Variants in POLR1C observed in about 807,000 individuals in gnomAD.
The protein encoded by POLR1C is RNA polymerase I and III subunit C.
POLR1C carries 42 observed loss-of-function variants against 38.3 expected under a neutral mutation model. The observed-to-expected ratio is 1.10, with a 90% CI of 0.86 to 1.42. POLR1C has a LOEUF of 1.42. Among genes scored for constraint, POLR1C ranks in the 40% most tolerant of loss-of-function variants. The pLI, the probability that POLR1C is intolerant of heterozygous loss-of-function variation, is 0.00. For missense variants in POLR1C, 507 were observed against 450.5 expected, an observed-to-expected ratio of 1.13 and a Z score of -1.14; for synonymous variants, 163 against 163.9, an observed-to-expected ratio of 0.99 and a Z score of 0.04.
At chr6:43,530,118 G>T (rs566545904), downstream of POLR1C, among the ~76,000 whole-genome samples, 4 of 152,016 alleles carry the variant, frequency 2.6e-5, no homozygotes, top group Admixed American at 6.6e-5. Flanking sequence ...TTAGCTGGGC[G>T]TAGTAGCATG....
At chr6:43,534,207 A>C (rs1382986778), downstream of POLR1C, among the ~76,000 whole-genome samples, 1 of 152,216 alleles carries the variant, frequency 6.6e-6, no homozygotes, top group East Asian at 1.9e-4. Context: ...ATCTTAGTAT[A>C]CAATACCTAA....
Position 43,519,412 on chromosome 6 carries a change from A to G in POLR1C, c.221A>G (p.Asn74Ser), listed in dbSNP as rs371802902. The G allele has an allele frequency of 6.8e-6, 11 of 1,613,630 alleles. No individual in the cohort carries two copies. In the African/African-American group the frequency reaches 8.0e-5, roughly 12 times the overall value. The change falls in exon 3 of 9, where the codon AAT (asparagine) becomes AGT (serine). Residue 74 changes from asparagine to serine, a missense_variant. Transcript: ENST00000642195. ...DMVGIDAAIANAFRRILLAEV... is the reference protein window; with the variant it reads ...DMVGIDAAIASAFRRILLAEV... ...GTGGGAATTGACGCAGCCATTGCCA[A>G]TGCTTTTCGACGAATTCTGCTAGCT...
In POLR1C at chr6:43,546,591, G is replaced by A. The variant is rs369645572; in HGVS notation, c.*5-4377G>A. On this transcript the variant is annotated intron_variant, in intron 9 of 10. Transcript: ENST00000607635. ...CTCACCTTATAAGCGCAAGCAAATT[G>A]TCAAGAAGTTTCAGAATCTGCTCTG... 9.3e-6 allele frequency: 15 copies of A among 1,610,730 alleles called. No individual in the cohort carries two copies. Among genetic ancestry groups the A allele is most frequent in the Admixed American group, 5.1e-5 (3 of 59,124 alleles).
Position 43,559,273 on chromosome 6 carries a change from G to A in POLR1C, c.*49-2127G>A, listed in dbSNP as rs538729783. Among the ~76,000 whole-genome samples the A allele has an allele frequency of 2.2e-4, 34 of 152,274 alleles. 1 individual carries two copies. In the South Asian group the frequency reaches 6.6e-3, roughly 30 times the overall value. ...GATCGTGCCACTGCACTCCAGCCTC[G>A]GTGACAGGGTGAGACTCCGTCTCAA... On this transcript the variant is annotated intron_variant, in intron 10 of 10. Transcript: ENST00000607635.
At chr6:43,540,886 T>G (rs1250112451) in intron 9 of POLR1C, among the ~76,000 whole-genome samples, 1 of 151,102 alleles carries the variant, frequency 6.6e-6, no homozygotes, top group East Asian at 1.9e-4. Context: ...TCACATAACA[T>G]AAAACTAACC....
chr6:43,538,302 A>G (rs1332614372), intron 9 of POLR1C, among the ~76,000 whole-genome samples: 1 of 151,574 alleles, frequency 6.6e-6, no homozygotes, highest in Non-Finnish European at 1.5e-5. Flanking sequence ...GGTGCGCACC[A>G]CCACACCTGG....
At chr6:43,517,982 TTGA>T (rs1792925798) in intron 2 of POLR1C, among the ~76,000 whole-genome samples, 1 of 152,206 alleles carries the variant, frequency 6.6e-6, no homozygotes, top group African/African-American at 2.4e-5. Flanking sequence ...TTTTAACCTG[TTGA>T]TACAAGGAAT....
In POLR1C at chr6:43,520,295, TG is replaced by T. The variant is rs780663139; in HGVS notation, c.525del (p.Trp175Ter). On this transcript the variant is annotated frameshift_variant, in exon 6 of 9. Transcript: ENST00000642195. LOFTEE classifies it high-confidence loss of function. ...NHKVYTRHMTWIPLGNQADLF... is the reference protein window; with the variant it reads ...NHKVYTRHMTXIPLGNQADLF... ...TCCAGTGTATACCAGGCATATGACA[TG>T]GATCCCCCTGGGGAACCAGGCTGAT... is the stretch of plus-strand genomic sequence containing the variant. 5 of 1,612,894 alleles carry T rather than the reference TG, an allele frequency of 3.1e-6. No homozygotes were observed. The East Asian group carries it at 1.1e-4, about 36-fold the overall frequency.
At chr6:43,543,830 C>T (rs897625717) in intron 9 of POLR1C, among the ~76,000 whole-genome samples, 1 of 152,034 alleles carries the variant, frequency 6.6e-6, no homozygotes, top group Non-Finnish European at 1.5e-5. Flanking sequence ...GCGCCCGCCA[C>T]CATGCCTGGC....
At chr6:43,525,478 AG>A, downstream of POLR1C, 1 of 514,426 alleles carries the variant, frequency 1.9e-6, no homozygotes. Flanking sequence ...GAAAAATAAA[AG>A]GAGTTTACTT....
intron 8 of POLR1C, chr6:43,528,154 C>T: frequency 1.3e-6 from 2 of 1,590,256 alleles, no homozygotes; most frequent in Non-Finnish European, 1.7e-6. Context: ...GTAGGTATCC[C>T]TTACCACAGC....
At chr6:43,527,052 C>T (rs1044312295) in intron 8 of POLR1C, 3 of 290,326 alleles carry the variant, frequency 1.0e-5, no homozygotes, top group African/African-American at 6.3e-5. Context: ...CAAAATGACA[C>T]AGTAAAAATA....
chr6:43,553,547 AC>A (rs1224230788), intron 10 of POLR1C: 2 of 1,530,298 alleles, frequency 1.3e-6, no homozygotes, highest in African/African-American at 1.4e-5. Context: ...ACACACACAC[AC>A]AATTATCAGC....
At chr6:43,525,381 T>C (rs1161154597), downstream of POLR1C, 1 of 651,444 alleles carries the variant, frequency 1.5e-6, no homozygotes, top group Non-Finnish European at 2.6e-6. Context: ...CAAGCTATTC[T>C]CCCATCTAAG....
intron 9 of POLR1C, among the ~76,000 whole-genome samples, chr6:43,548,867 T>A (rs1248817348): frequency 6.6e-6 from 1 of 152,052 alleles, no homozygotes; most frequent in Non-Finnish European, 1.5e-5. Flanking sequence ...GTGATTTGCA[T>A]CTGCTTTTCT....
downstream of POLR1C, chr6:43,521,528 TTTTGAG>T (rs1325054542): frequency 4.1e-5 from 51 of 1,242,674 alleles, no homozygotes; most frequent in African/African-American, 3.9e-4. Context: ...TTGAGACTAC[TTTTGAG>T]TTTGTTTTTT....
chr6:43,520,441 G>A lies in POLR1C; in HGVS notation c.655+14G>A, dbSNP rs369229711. On this transcript the variant is annotated intron_variant, in intron 6 of 8. Transcript: ENST00000642195. ...TCAAGGGCATTGGTGAGAACCCTGT[G>A]TGCCTTCCTGGGAAGGGGGATAGTT... 25 of 1,613,002 alleles carry A rather than the reference G, an allele frequency of 1.5e-5. No homozygotes were observed. In the African/African-American group the frequency reaches 2.5e-4, roughly 16 times the overall value.
downstream of POLR1C, chr6:43,522,855 G>C: frequency 3.9e-6 from 1 of 258,494 alleles, no homozygotes; most frequent in Non-Finnish European, 9.0e-6. Context: ...TCTTTACAGG[G>C]CCTTTCAGTG....
chr6:43,548,720 ATATATATATATAGATATATATGTATATC>A (rs1795084992), intron 9 of POLR1C, among the ~76,000 whole-genome samples: 1 of 150,044 alleles, frequency 6.7e-6, no homozygotes, highest in Non-Finnish European at 1.5e-5. Flanking sequence ...AGCTTGTTTT[ATATATATATATAGATATATATGTATATC>A]TATATATATA....
Sources: allele counts gnomAD v4.1 joint callset (sites outside exome capture counted in the v4.1 genomes callset), GRCh38; gene constraint gnomAD v4.1.1; transcripts MANE v1.5; gene names NCBI Gene and HGNC (gene_info 2026-07-23, HGNC 2026-07-21).